Variants in TPGS2 observed in about 807,000 individuals in gnomAD.
The protein encoded by TPGS2 is tubulin polyglutamylase complex subunit 2.
In TPGS2, 26 loss-of-function variants were observed where a neutral mutation model predicts 31.1. That is an observed-to-expected ratio of 0.84 (90% CI 0.61 to 1.16). The LOEUF (loss-of-function observed/expected upper bound fraction) is 1.16, where lower values mean the gene tolerates loss of function less well. Ranked by LOEUF, TPGS2 falls within the 50% of genes most tolerant of loss-of-function variation. The pLI is 0.00. For synonymous variants in TPGS2, 130 were observed against 136.6 expected, an observed-to-expected ratio of 0.95 and a Z score of 0.34; for missense variants, 351 against 363.8, an observed-to-expected ratio of 0.96 and a Z score of 0.29.
In TPGS2 at chr18:36,813,090, T is replaced by C. The variant is rs117515327; in HGVS notation, c.166-5156A>G. On this transcript the variant is annotated intron_variant, in intron 2 of 6. Transcript: ENST00000334295. ...ACTGTCTACCTCAGGACTTGATACA[T>C]GAAAAATATTAATTCCTATTTGCTT... Among the ~76,000 whole-genome samples, 821 of 152,366 alleles carry C rather than the reference T, an allele frequency of 5.4e-3. 5 individuals are homozygous for C. The highest frequency in any genetic ancestry group is 8.9e-3 in the Non-Finnish European group (607 of 68,044).
intron 1 of TPGS2, chr18:36,823,797 G>A: frequency 2.0e-6 from 2 of 983,690 alleles, no homozygotes; most frequent in Non-Finnish European, 2.4e-6. Flanking sequence ...ATTAGATTGG[G>A]CCTACCTGGA....
intron 2 of TPGS2, among the ~76,000 whole-genome samples, chr18:36,816,814 G>T (rs188598892): frequency 6.6e-5 from 10 of 152,222 alleles, no homozygotes; most frequent in Non-Finnish European, 1.5e-4. Context: ...TCACCATATT[G>T]GCCAGGCTGG....
intron 1 of TPGS2, among the ~76,000 whole-genome samples, chr18:36,822,046 T>G (rs1311320936): frequency 6.6e-6 from 1 of 152,170 alleles, no homozygotes; most frequent in Admixed American, 6.5e-5. Context: ...CACAGGTGTT[T>G]TGGTCTCAGA....
At chr18:36,810,022 AAC>A (rs2045345797) in intron 2 of TPGS2, among the ~76,000 whole-genome samples, 1 of 152,246 alleles carries the variant, frequency 6.6e-6, no homozygotes, top group Non-Finnish European at 1.5e-5. Context: ...TCAAATATTT[AAC>A]ACACATTTCA....
chr18:36,794,259 A>G lies in TPGS2; in HGVS notation c.*2546T>C. 3 of 982,212 alleles carry G rather than the reference A, an allele frequency of 3.1e-6. No individual in the cohort carries two copies. Among genetic ancestry groups the G allele is most frequent in the African/African-American group, 1.7e-5 (1 of 57,298 alleles). 60.8% of individuals were successfully genotyped at this position (982,212 alleles called of 1,614,324 possible). On this transcript the variant is annotated 3_prime_UTR_variant, in exon 7 of 7. Coordinates refer to ENST00000334295, the MANE Select transcript of TPGS2 (RefSeq NM_015476.4). ...AATGTTTTCCTGCTGTTTGCACAAA[A>G]GCCTCACATCTTCATTTTGTACTGG...
intron 6 of TPGS2, among the ~76,000 whole-genome samples, chr18:36,785,511 T>C (rs780925376): frequency 6.6e-5 from 10 of 152,202 alleles, no homozygotes; most frequent in South Asian, 4.1e-4. Flanking sequence ...TGAATGGATA[T>C]GGTGAGAGGT....
chr18:36,811,425 C>A (rs2045420976), intron 2 of TPGS2, among the ~76,000 whole-genome samples: 1 of 152,244 alleles, frequency 6.6e-6, no homozygotes, highest in South Asian at 2.1e-4. Context: ...TCCACAGAAC[C>A]ATTAGTCTCC....
At chr18:36,801,482 G>A (rs567592844) in intron 4 of TPGS2, among the ~76,000 whole-genome samples, 3 of 151,924 alleles carry the variant, frequency 2.0e-5, no homozygotes, top group Non-Finnish European at 4.4e-5. Context: ...CCATAGGTGT[G>A]GCCACCATAC....
intron 1 of TPGS2, among the ~76,000 whole-genome samples, chr18:36,824,658 T>C (rs776213614): frequency 6.6e-6 from 1 of 152,202 alleles, no homozygotes; most frequent in Non-Finnish European, 1.5e-5. Flanking sequence ...CACTGGCCAT[T>C]TGTGTATCTC....
chr18:36,798,067 G>A, intron 6 of TPGS2: 1 of 847,784 alleles, frequency 1.2e-6, no homozygotes, highest in Non-Finnish European at 1.5e-6. Context: ...GGGCGTACAG[G>A]AAACTCGTAA....
chr18:36,805,600 T>C, intron 3 of TPGS2, 98 bp from the exon 4 acceptor site: 1 of 1,525,016 alleles, frequency 6.6e-7, no homozygotes, highest in Non-Finnish European at 9.0e-7. Flanking sequence ...CCAGGTATTG[T>C]TTCGCCCCAT....
intron 1 of TPGS2, among the ~76,000 whole-genome samples, chr18:36,820,734 A>G (rs531240878): frequency 1.2e-4 from 18 of 152,338 alleles, no homozygotes; most frequent in African/African-American, 4.3e-4. Flanking sequence ...TGTTTTTATC[A>G]TGTTGTCTTA....
intron 5 of TPGS2, 84 bp from the exon 6 acceptor site, chr18:36,798,693 C>T: frequency 2.0e-6 from 3 of 1,498,180 alleles, no homozygotes; most frequent in Non-Finnish European, 2.7e-6. Context: ...ATACTCATGG[C>T]CTTAAAAAAA....
At chr18:36,811,247 C>G (rs575704265) in intron 2 of TPGS2, among the ~76,000 whole-genome samples, 1 of 152,160 alleles carries the variant, frequency 6.6e-6, no homozygotes, top group Non-Finnish European at 1.5e-5. Context: ...GGTGTGAGAT[C>G]CCCAAGAGAA....
At chr18:36,792,251 A>C (rs1198277843), downstream of TPGS2, among the ~76,000 whole-genome samples, 1 of 152,156 alleles carries the variant, frequency 6.6e-6, no homozygotes, top group East Asian at 1.9e-4. Context: ...GTAGTGTAAA[A>C]ACCAATAGAT....
downstream of TPGS2, among the ~76,000 whole-genome samples, chr18:36,792,339 CAATT>C (rs1268687151): frequency 1.3e-5 from 2 of 152,138 alleles, no homozygotes; most frequent in Non-Finnish European, 2.9e-5. Context: ...CATGAGTTGA[CAATT>C]GATGAACCTG....
chr18:36,797,145 A>T, intron 6 of TPGS2, 95 bp from the exon 7 acceptor site: 2 of 1,558,284 alleles, frequency 1.3e-6, no homozygotes, highest in Non-Finnish European at 1.7e-6. Flanking sequence ...TGGGAACAGG[A>T]GGCAGAGGTA....
chr18:36,811,622 A>G (rs902633754), intron 2 of TPGS2, among the ~76,000 whole-genome samples: 3 of 152,166 alleles, frequency 2.0e-5, no homozygotes, highest in Non-Finnish European at 4.4e-5. Context: ...CTTTGCATCT[A>G]CAGCTGCTCT....
chr18:36,805,657 C>A (rs2045087642), intron 3 of TPGS2, among the ~76,000 whole-genome samples, 155 bp from the exon 4 acceptor site: 1 of 152,114 alleles, frequency 6.6e-6, no homozygotes, highest in South Asian at 2.1e-4. Flanking sequence ...TTACTCACTG[C>A]ATATTCCAAA....
Sources: allele counts gnomAD v4.1 joint callset (sites outside exome capture counted in the v4.1 genomes callset), GRCh38; gene constraint gnomAD v4.1.1; transcripts MANE v1.5; gene names NCBI Gene and HGNC (gene_info 2026-07-23, HGNC 2026-07-21).